The following ABCB9 variants were observed in gnomAD, a reference collection of about 807,000 sequenced individuals.
ABCB9 encodes the protein ABC-type oligopeptide transporter ABCB9.
ABCB9 carries 36 observed loss-of-function variants against 62.0 expected under a neutral mutation model. The observed-to-expected ratio is 0.58, with a 90% CI of 0.45 to 0.77. ABCB9 has a LOEUF of 0.77. Among genes scored for constraint, ABCB9 ranks in the 30% least tolerant of loss-of-function variants. The pLI, the probability that ABCB9 is intolerant of heterozygous loss-of-function variation, is 0.00. For synonymous variants in ABCB9, 435 were observed against 461.4 expected (o/e 0.94, Z 0.73); for missense variants, 943 against 1,054.7 (o/e 0.89, Z 1.47).
At chr12:122,921,053 T>C (rs2034734097) in intron 11 of ABCB9, 4 of 1,535,230 alleles carry the variant, frequency 2.6e-6, no homozygotes, top group Non-Finnish European at 2.6e-6. Flanking sequence ...TCTAAGAAGA[T>C]AATAAATATG....
Position 122,929,133 on chromosome 12 carries a change from T to TC in ABCB9, c.*777dup. The TC allele has an allele frequency of 1.3e-6, 1 of 756,104 alleles. No individual in the cohort carries two copies. 46.8% of individuals were successfully genotyped at this position (756,104 alleles called of 1,614,324 possible). On this transcript the variant is annotated 3_prime_UTR_variant, in exon 12 of 12. Transcript: ENST00000280560. This position sits in a 1 kb window ranked among gnomAD's most constrained non-coding sequence, Gnocchi z 6.0. Reference sequence around the variant, plus strand: ...GCATCTCATGAACATCCACGTGGCCTCCAGACAGCAGAGCACAGGGGCGGG... The same window carrying TC: ...GCATCTCATGAACATCCACGTGGCCTCCCAGACAGCAGAGCACAGGGGCGGG...
chr12:122,970,566 G>T (rs997506718), upstream of ABCB9, among the ~76,000 whole-genome samples: 1 of 152,100 alleles, frequency 6.6e-6, no homozygotes, highest in Non-Finnish European at 1.5e-5. Flanking sequence ...TTATTCTATT[G>T]AATGTTTCCA....
At chr12:122,961,991 TGAC>T (rs2036930768) in intron 1 of ABCB9, among the ~76,000 whole-genome samples, 1 of 152,248 alleles carries the variant, frequency 6.6e-6, no homozygotes, top group South Asian at 2.1e-4. Flanking sequence ...AGAGGGAACT[TGAC>T]AGCTGTGGGG....
In ABCB9 at chr12:122,940,965, G is replaced by C. The variant is rs1461562360; in HGVS notation, c.1411C>G (p.Gln471Glu). The change falls in exon 8 of 12, where the codon CAG (glutamine) becomes GAG (glutamate). Residue 471 changes from glutamine (Q) to glutamate (E), a missense_variant. By Grantham distance (29) the Gln-to-Glu change is conservative (BLOSUM62 2). Transcript: ENST00000280560. The surrounding 1 kb of genome is among the most constrained non-coding windows in gnomAD (Gnocchi z 4.8). ...ACCTTCTCAGCAGCCCCCACTCCCT[G>C]CATCAGGCCACTGTAGACGGAGCCC... Reference protein sequence around the residue: ...SVGSVYSGLMQGVGAAEKVFE... With the variant: ...SVGSVYSGLMEGVGAAEKVFE... 3.7e-6 allele frequency: 6 copies of C among 1,611,750 alleles called. No homozygotes were observed. Among genetic ancestry groups the C allele is most frequent in the Non-Finnish European group, 4.2e-6 (5 of 1,178,636 alleles).
chr12:122,944,319 C>G lies in ABCB9; in HGVS notation c.1380+72G>C, dbSNP rs2035920214. 4 of 1,469,436 alleles carry G rather than the reference C, an allele frequency of 2.7e-6. No homozygotes were observed. Among genetic ancestry groups the G allele is most frequent in the African/African-American group, 1.4e-5 (1 of 71,696 alleles). 91.0% of individuals were successfully genotyped at this position (1,469,436 alleles called of 1,614,324 possible). On this transcript the variant is annotated intron_variant, in intron 7 of 11. Coordinates refer to ENST00000280560, the MANE Select transcript of ABCB9 (RefSeq NM_019625.4). This position sits in a 1 kb window ranked among gnomAD's most constrained non-coding sequence, Gnocchi z 4.9. ...TGTCAGAGTCCCTGGAGCCCCGCCCCCACCCTGTTAAGATCCCTCTTCCCC... is the reference window on the plus strand; with the variant it reads ...TGTCAGAGTCCCTGGAGCCCCGCCCGCACCCTGTTAAGATCCCTCTTCCCC...
chr12:122,930,225 C>A lies in ABCB9; in HGVS notation c.2041-54G>T. The stretch of plus-strand genomic sequence containing the variant: ...ATGGCACGGACGCCCCACCCGCAAC[C>A]GTGCTTCATGCCACGGCCTATGGGC... On this transcript the variant is annotated intron_variant, in intron 11 of 11. Coordinates refer to ENST00000280560, the MANE Select transcript of ABCB9 (RefSeq NM_019625.4). This position sits in a 1 kb window ranked among gnomAD's most constrained non-coding sequence, Gnocchi z 4.9. The A allele has an allele frequency of 1.3e-6, 2 of 1,481,780 alleles. No individual in the cohort carries two copies. The highest frequency in any genetic ancestry group is 1.3e-5 in the South Asian group (1 of 76,960). The allele number at this position is 1,481,780 out of a possible 1,614,324, so 91.8% of individuals were successfully genotyped here.
rs144502811 is a variant in ABCB9 at position 122,946,176 on chromosome 12, G to A, written c.1100C>T (p.Thr367Met). 56 of 1,614,034 alleles carry A rather than the reference G, an allele frequency of 3.5e-5. No individual in the cohort carries two copies. Among genetic ancestry groups the A allele is most frequent in the Non-Finnish European group, 4.4e-5 (52 of 1,180,032 alleles). Residue 367 changes from threonine (T) to methionine (M), a missense_variant, in exon 6 of 12, where the codon ACG (threonine) becomes ATG (methionine). Physicochemically the swap from Thr to Met is moderately conservative, Grantham distance 81. Coordinates refer to ENST00000280560, the MANE Select transcript of ABCB9 (RefSeq NM_019625.4). ...CATGGCACTGATGGTCTCCTCCGCCGTGTTGCTCGCTCTGGCCAGGGCATT... is the reference window on the plus strand; with the variant it reads ...CATGGCACTGATGGTCTCCTCCGCCATGTTGCTCGCTCTGGCCAGGGCATT... ...VQNALARASN[T>M]AEETISAMKT...
Position 122,959,867 on chromosome 12 carries a change from C to T in ABCB9, c.369G>A (p.Thr123=), listed in dbSNP as rs115312710. ...DPWFWALFVW[T]YISLGASFLL... ...GGAAGGATGCGCCGAGTGAAATGTACGTCCACACGAACAGGGCCCAAAACC... is the reference window on the plus strand; with the variant it reads ...GGAAGGATGCGCCGAGTGAAATGTATGTCCACACGAACAGGGCCCAAAACC... The change falls in exon 2 of 12, where the codon ACG becomes ACA. Residue 123 remains threonine (T), a synonymous_variant. Transcript: ENST00000280560. This position sits in a 1 kb window ranked among gnomAD's most constrained non-coding sequence, Gnocchi z 5.4. 178 of 1,613,466 alleles carry T rather than the reference C, an allele frequency of 1.1e-4. No individual in the cohort carries two copies. Among genetic ancestry groups the T allele is most frequent in the African/African-American group, 1.1e-4 (8 of 75,056 alleles).
chr12:122,974,051 CAAAT>C (rs1000623774), intron 1 of ABCB9, among the ~76,000 whole-genome samples: 2 of 151,794 alleles, frequency 1.3e-5, no homozygotes, highest in Non-Finnish European at 2.9e-5. Context: ...AGTAAATAAA[CAAAT>C]AAATAAACTG....
intron 2 of ABCB9, among the ~76,000 whole-genome samples, chr12:122,956,225 G>C (rs1172730258): frequency 6.6e-6 from 1 of 152,186 alleles, no homozygotes; most frequent in African/African-American, 2.4e-5. Flanking sequence ...AGCTGTCCAA[G>C]GTGTCTCACC....
At chr12:122,946,777 T>C (rs1298687436) in intron 5 of ABCB9, among the ~76,000 whole-genome samples, 1 of 152,218 alleles carries the variant, frequency 6.6e-6, no homozygotes, top group East Asian at 1.9e-4. Context: ...ACCATGTGCA[T>C]GTCACCACAG....
intron 2 of ABCB9, among the ~76,000 whole-genome samples, chr12:122,958,270 C>T (rs144989525): frequency 9.9e-5 from 15 of 151,882 alleles, no homozygotes; most frequent in South Asian, 4.2e-4. Flanking sequence ...ATGGTATAGC[C>T]GCACAATGGA....
downstream of ABCB9, among the ~76,000 whole-genome samples, chr12:122,927,999 C>T (rs1230651073): frequency 6.6e-6 from 1 of 152,168 alleles, no homozygotes; most frequent in Non-Finnish European, 1.5e-5. Context: ...GTTGCAAGTT[C>T]CCCTCTGTAG....
chr12:122,972,169 C>T (rs570269366), intron 1 of ABCB9, among the ~76,000 whole-genome samples: 51 of 151,504 alleles, frequency 3.4e-4, no homozygotes, highest in African/African-American at 1.1e-3. Context: ...CTCAGCCTCC[C>T]GAGCAGCTGG....
At chr12:122,968,674 CTG>C (rs2037237172), upstream of ABCB9, among the ~76,000 whole-genome samples, 1 of 120,246 alleles carries the variant, frequency 8.3e-6, no homozygotes, top group Non-Finnish European at 1.6e-5. Context: ...GAGTCTTGCT[CTG>C]ACACCCAGGC....
chr12:122,944,714 G>C lies in ABCB9; in HGVS notation c.1252-195C>G. 1 of 674,334 alleles carries C rather than the reference G, an allele frequency of 1.5e-6. No homozygotes were observed. The highest frequency in any genetic ancestry group is 3.1e-5 in the Admixed American group (1 of 32,156). The allele number at this position is 674,334 out of a possible 1,614,324, so 41.8% of individuals were successfully genotyped here. ...CCTGCCCCGAGCATTTCCCTACAGA[G>C]GCCTCCAGCTGGAGCAGGCTGTGGG... On this transcript the variant is annotated intron_variant, in intron 6 of 11. Transcript: ENST00000280560. The surrounding 1 kb of genome is among the most constrained non-coding windows in gnomAD (Gnocchi z 4.9).
intron 10 of ABCB9, among the ~76,000 whole-genome samples, chr12:122,933,049 C>T (rs967385146): frequency 6.6e-6 from 1 of 152,168 alleles, no homozygotes; most frequent in Non-Finnish European, 1.5e-5. Context: ...TGCCACCACA[C>T]CTGGCTAACT....
intron 7 of ABCB9, among the ~76,000 whole-genome samples, chr12:122,941,299 C>T (rs2035751477): frequency 6.7e-6 from 1 of 150,230 alleles, no homozygotes; most frequent in Non-Finnish European, 1.5e-5. Context: ...CTTTCAATTG[C>T]GATAGCATAG....
chr12:122,967,133 C>T (rs1422748787), upstream of ABCB9, among the ~76,000 whole-genome samples: 2 of 152,206 alleles, frequency 1.3e-5, no homozygotes, highest in African/African-American at 4.8e-5. Flanking sequence ...GATATGTCCT[C>T]AGTGACTGCC....
Sources: allele counts gnomAD v4.1 joint callset (sites outside exome capture counted in the v4.1 genomes callset), GRCh38; gene constraint gnomAD v4.1.1; non-coding constraint Gnocchi (gnomAD v3.1); transcripts MANE v1.5; gene names NCBI Gene and HGNC (gene_info 2026-07-23, HGNC 2026-07-21).